The following MEF2C variants were observed in gnomAD, a reference collection of about 807,000 sequenced individuals.
MEF2C encodes the protein myocyte enhancer factor 2C.
MEF2C carries 6 observed loss-of-function variants against 50.5 expected under a neutral mutation model. The ratio of observed to expected loss-of-function variants is 0.12; its 90% confidence interval spans 0.07 to 0.23. The LOEUF (loss-of-function observed/expected upper bound fraction) is 0.23, where lower values mean the gene tolerates loss of function less well. MEF2C is among the 10% of genes least tolerant of loss of function. The probability of loss-of-function intolerance (pLI) is 1.00; values close to 1 mark genes in which losing one functional copy is unlikely to be tolerated. For synonymous variants in MEF2C, 183 were observed against 228.0 expected (o/e 0.80, Z 1.78); for missense variants, 276 against 605.0 (o/e 0.46, Z 5.70).
chr5:88,850,343 T>C (rs1490686946), intron 1 of MEF2C, among the ~76,000 whole-genome samples: 1 of 152,160 alleles, frequency 6.6e-6, no homozygotes, highest in Non-Finnish European at 1.5e-5. Flanking sequence ...TTATGCCCAT[T>C]TTACAGATGA....
upstream of MEF2C, among the ~76,000 whole-genome samples, chr5:88,885,018 AG>A (rs1833921273): frequency 6.6e-6 from 1 of 152,108 alleles, no homozygotes; most frequent in South Asian, 2.1e-4. Context: ...GAAAGCAAGA[AG>A]GGAAAATTAA....
chr5:88,734,827 G>A (rs1763452683), intron 6 of MEF2C: 1 of 976,086 alleles, frequency 1.0e-6, no homozygotes, highest in Admixed American at 6.2e-5. Context: ...TAGAAGATTA[G>A]TCACATATTT....
At chr5:88,770,176 C>T (rs1283374805) in intron 3 of MEF2C, among the ~76,000 whole-genome samples, 4 of 152,282 alleles carry the variant, frequency 2.6e-5, no homozygotes, top group Non-Finnish European at 1.5e-5. Flanking sequence ...ATTGTAACTT[C>T]ACATACTAAA....
At chr5:88,829,471 C>T (rs1278106514) in intron 1 of MEF2C, among the ~76,000 whole-genome samples, 2 of 152,022 alleles carry the variant, frequency 1.3e-5, no homozygotes, top group African/African-American at 4.8e-5. Context: ...GTTTTATCCA[C>T]AATATATACC....
intron 4 of MEF2C, 157 bp downstream of exon 4, chr5:88,761,028 T>C: frequency 6.2e-7 from 1 of 1,611,336 alleles, no homozygotes; most frequent in Non-Finnish European, 8.5e-7. Flanking sequence ...AAATTCTTCA[T>C]TAATTTTTTT....
intron 1 of MEF2C, among the ~76,000 whole-genome samples, chr5:88,858,913 G>A (rs1471873373): frequency 1.3e-5 from 2 of 152,310 alleles, no homozygotes; most frequent in African/African-American, 2.4e-5. Context: ...GTAGTGAGAC[G>A]TGTATTTTGA....
chr5:88,738,776 A>C, intron 6 of MEF2C: 1 of 985,392 alleles, frequency 1.0e-6, no homozygotes, highest in Non-Finnish European at 1.2e-6. Flanking sequence ...TGTAAGGTCA[A>C]CTTGGGCATA....
chr5:88,722,995 C>A, intron 10 of MEF2C, 70 bp from the exon 11 acceptor site: 1 of 1,311,912 alleles, frequency 7.6e-7, no homozygotes, highest in South Asian at 1.5e-5. Flanking sequence ...ACAATTAAAT[C>A]AAACATCAGC....
Position 88,838,655 on chromosome 5 carries a change from GT to G in MEF2C, c.-142-14726del, listed in dbSNP as rs1040698050. On this transcript the variant is annotated intron_variant, in intron 1 of 10. Coordinates refer to ENST00000504921, the MANE Select transcript of MEF2C (RefSeq NM_002397.5). ...CTTTCCTTCAAAGTACCTTGAGTAGGTTTCTAAAACACACCTAACCAGCTCT... is the reference window on the plus strand; with the variant it reads ...CTTTCCTTCAAAGTACCTTGAGTAGGTTCTAAAACACACCTAACCAGCTCT... 6.1e-6 allele frequency: 6 copies of G among 984,984 alleles called. No homozygotes were observed. The African/African-American group carries it at 7.0e-5, about 11-fold the overall frequency. The allele number at this position is 984,984 out of a possible 1,614,324, so 61.0% of individuals were successfully genotyped here. A position where few individuals can be genotyped will look rare whatever the true frequency, so the allele number is the denominator to read the frequency against.
At chr5:88,763,716 G>A (rs73177759) in intron 3 of MEF2C, among the ~76,000 whole-genome samples, 365 of 150,992 alleles carry the variant, frequency 2.4e-3, no homozygotes, top group Middle Eastern at 0.01. Context: ...GCAGTGTGGC[G>A]TGGTCATAGC....
Position 88,729,331 on chromosome 5 carries a change from T to C in MEF2C, c.851A>G (p.Asn284Ser). 1 of 1,610,022 alleles carries C rather than the reference T, an allele frequency of 6.2e-7. No individual in the cohort carries two copies. The change falls in exon 9 of 11, where the codon AAC becomes AGC. Residue 284 changes from asparagine to serine, a missense_variant. Around this residue, in one of 2 missense-constraint regions of MEF2C, gnomAD observed 256 missense variants for 468.1 expected, o/e 0.55. Transcript: ENST00000504921. ...VDLLLNQRIN[N>S]SQSAQSLATP... ...AGCCAATGACTGAGCCGACTGGGAG[T>C]TATTTATCCTTTGATTCTTTTAAAA...
At chr5:88,739,932 CCACTTTTTCTG>C (rs1437065889) in intron 6 of MEF2C, 9 of 985,046 alleles carry the variant, frequency 9.1e-6, no homozygotes, top group Non-Finnish European at 1.1e-5. Flanking sequence ...AATAAAGGCT[CCACTTTTTCTG>C]GGGGTTTCTT....
At chr5:88,855,809 ACTT>A (rs1394587669) in intron 1 of MEF2C, among the ~76,000 whole-genome samples, 3 of 152,142 alleles carry the variant, frequency 2.0e-5, no homozygotes, top group Non-Finnish European at 2.9e-5. Context: ...AGTCAATTAA[ACTT>A]CTTTTCTTTA....
intron 1 of MEF2C, among the ~76,000 whole-genome samples, chr5:88,854,986 G>C (rs1197200648): frequency 2.0e-5 from 3 of 152,166 alleles, no homozygotes. Flanking sequence ...TTCTAGAATA[G>C]CTTATGTGTG....
chr5:88,733,365 A>T (rs1422322074), intron 6 of MEF2C: 1 of 985,154 alleles, frequency 1.0e-6, no homozygotes, highest in East Asian at 1.1e-4. Context: ...GGCTGTGGAG[A>T]TCTCAAATTC....
rs79690963 is a variant in MEF2C, at chr5:88,755,666, C to T, written c.403-3623G>A. Among the ~76,000 whole-genome samples, 1,171 of 152,300 alleles carry T rather than the reference C, an allele frequency of 7.7e-3. 7 individuals carry two copies. Among genetic ancestry groups the T allele is most frequent in the Middle Eastern group, 0.014 (4 of 294 alleles). ...TGTATTTAAAGCCATCTCTGGGCTA[C>T]AAATGTTTTAATTTGAATTCACTGT... On this transcript the variant is annotated intron_variant, in intron 4 of 10. Transcript: ENST00000504921.
intron 4 of MEF2C, among the ~76,000 whole-genome samples, chr5:88,758,826 C>T (rs1776530655): frequency 6.6e-6 from 1 of 152,204 alleles, no homozygotes; most frequent in African/African-American, 2.4e-5. Flanking sequence ...CCCTACCACA[C>T]ACCACTGCAC....
intron 2 of MEF2C, among the ~76,000 whole-genome samples, chr5:88,808,677 T>C (rs1305681230): frequency 6.6e-6 from 1 of 152,150 alleles, no homozygotes; most frequent in Admixed American, 6.5e-5. Flanking sequence ...ATATTCTTCA[T>C]AGCATTCTCA....
intron 1 of MEF2C, among the ~76,000 whole-genome samples, chr5:88,854,057 C>CT (rs1279118750): frequency 6.6e-6 from 1 of 152,156 alleles, no homozygotes; most frequent in Non-Finnish European, 1.5e-5. Context: ...TGGAAGCATT[C>CT]TTTATCTATT....
Sources: gnomAD v4.1 joint callset for allele counts (sites outside exome capture counted in the v4.1 genomes callset) on GRCh38, gnomAD v4.1.1 for gene constraint, gnomAD v4.1.1 regional missense constraint, MANE v1.5 for transcripts, NCBI Gene and HGNC (gene_info 2026-07-23, HGNC 2026-07-21) for gene names.